TANC1: variants seen among roughly 807,000 people sequenced by gnomAD.
TANC1 encodes the protein protein TANC1.
TANC1 carries 77 observed loss-of-function variants against 149.7 expected under a neutral mutation model. That is an observed-to-expected ratio of 0.51 (90% CI 0.43 to 0.62). The LOEUF is 0.62. TANC1 is among the 20% of genes least tolerant of loss of function. The pLI is 0.00. For missense variants in TANC1, 1,985 were observed against 2,321.8 expected, an observed-to-expected ratio of 0.85 and a Z score of 2.98; for synonymous variants, 854 against 925.0, an observed-to-expected ratio of 0.92 and a Z score of 1.39.
At chr2:159,136,132 C>T in intron 4 of TANC1, 62 bp from the exon 5 acceptor site, 4 of 989,684 alleles carry the variant, frequency 4.0e-6, no homozygotes, top group Non-Finnish European at 6.5e-6. Context: ...ACACACTGTA[C>T]ATTCCAAGGC....
At chr2:159,066,518 A>G (rs1326478894) in intron 3 of TANC1, among the ~76,000 whole-genome samples, 1 of 152,198 alleles carries the variant, frequency 6.6e-6, no homozygotes, top group African/African-American at 2.4e-5. Context: ...AGAAACTTTA[A>G]AGGTTCATAA....
chr2:159,106,985 T>C (rs1046588311), intron 4 of TANC1, among the ~76,000 whole-genome samples: 2 of 152,200 alleles, frequency 1.3e-5, no homozygotes, highest in Non-Finnish European at 2.9e-5. Context: ...GGATTGTCTT[T>C]TTTACTTTGA....
chr2:159,163,268 G>T lies in TANC1; in HGVS notation c.683-15G>T. ...TGCCTGGCCTCCTTCAAAGTATTTT[G>T]GTCTTTCATTTCAGCCACAATTACA... On this transcript the variant is annotated splice_polypyrimidine_tract_variant and intron_variant, in intron 7 of 26. Transcript: ENST00000263635. The T allele has an allele frequency of 6.2e-7, 1 of 1,609,994 alleles. No individual in the cohort carries two copies. The highest frequency in any genetic ancestry group is 2.2e-5 in the East Asian group (1 of 44,818).
At chr2:159,136,047 T>TGTGTGTGTGTGTGTGTGTGCGTGC (rs1457762905) in intron 4 of TANC1, 147 bp from the exon 5 acceptor site, 4 of 211,184 alleles carry the variant, frequency 1.9e-5, no homozygotes, top group South Asian at 3.7e-5. Context: ...TGTGTGTGTG[T>TGTGTGTGTGTGTGTGTGTGCGTGC]GTGCGCGCGC....
In TANC1 at chr2:159,178,611, A is replaced by G. The variant is rs202127379; in HGVS notation, c.1958A>G (p.Asn653Ser). 1.2e-6 allele frequency: 2 copies of G among 1,609,458 alleles called. No homozygotes were observed. Among genetic ancestry groups the G allele is most frequent in the Non-Finnish European group, 1.7e-6 (2 of 1,178,372 alleles). ...VKLSLDDFPDNKDIHSDLHAY... is the reference protein window; with the variant it reads ...VKLSLDDFPDSKDIHSDLHAY... ...CTTTCCTTAGATGACTTCCCAGACA[A>G]CAAAGACATCCACAGTGACCTGCAC... Residue 653 changes from asparagine to serine, a missense_variant, in exon 14 of 27, where the codon AAC becomes AGC. Coordinates refer to ENST00000263635, the MANE Select transcript of TANC1 (RefSeq NM_033394.3).
At chr2:159,157,505 G>A (rs946438511) in intron 7 of TANC1, among the ~76,000 whole-genome samples, 2 of 152,158 alleles carry the variant, frequency 1.3e-5, no homozygotes, top group Admixed American at 6.5e-5. Flanking sequence ...AGAGAGGGAC[G>A]CCACCTGTCA....
chr2:159,004,236 A>G, intron 2 of TANC1: 2 of 1,612,438 alleles, frequency 1.2e-6, no homozygotes, highest in Admixed American at 1.7e-5. Flanking sequence ...TAAAGCACCA[A>G]AACCAGAAGA....
At chr2:159,112,057 G>A (rs567349711) in intron 4 of TANC1, among the ~76,000 whole-genome samples, 76 of 152,200 alleles carry the variant, frequency 5.0e-4, no homozygotes, top group Non-Finnish European at 7.5e-4. Flanking sequence ...AAATTCAGTA[G>A]GGATTTCTTT....
intron 3 of TANC1, among the ~76,000 whole-genome samples, chr2:159,069,436 A>G (rs2042953592): frequency 6.6e-6 from 1 of 152,092 alleles, no homozygotes; most frequent in South Asian, 2.1e-4. Flanking sequence ...CAAACGAGGC[A>G]CTGTGTTTAT....
At chr2:159,221,847 A>G (rs73967247) in intron 22 of TANC1, among the ~76,000 whole-genome samples, 4,014 of 152,356 alleles carry the variant, frequency 0.026, 163 homozygotes, top group African/African-American at 0.087. Flanking sequence ...AGAACCGTGA[A>G]ATGTCTTTCA....
intron 2 of TANC1, among the ~76,000 whole-genome samples, chr2:159,018,167 A>C (rs2038464424): frequency 6.6e-6 from 1 of 152,152 alleles, no homozygotes; most frequent in Non-Finnish European, 1.5e-5. Flanking sequence ...GGAGCATTTT[A>C]TTATGAAGGA....
At chr2:158,975,696 A>G (rs1401520137) in intron 1 of TANC1, among the ~76,000 whole-genome samples, 2 of 151,822 alleles carry the variant, frequency 1.3e-5, no homozygotes, top group Non-Finnish European at 2.9e-5. Context: ...TCAGTTTCCC[A>G]AAGTGCTGGA....
intron 1 of TANC1, among the ~76,000 whole-genome samples, chr2:158,978,807 T>C (rs537969941): frequency 2.0e-5 from 3 of 152,316 alleles, no homozygotes; most frequent in Non-Finnish European, 4.4e-5. Context: ...CTATGTTAGA[T>C]ATATGCTCCC....
intron 18 of TANC1, among the ~76,000 whole-genome samples, chr2:159,197,740 T>G (rs2150730097): frequency 6.6e-6 from 1 of 152,210 alleles, no homozygotes; most frequent in Non-Finnish European, 1.5e-5. Flanking sequence ...TTGGTCTTAA[T>G]CCATGCTAAC....
chr2:159,011,221 G>GA (rs2037720807), intron 2 of TANC1, among the ~76,000 whole-genome samples: 4 of 152,118 alleles, frequency 2.6e-5, no homozygotes, highest in Admixed American at 2.0e-4. Context: ...GTGAGTCATT[G>GA]TAAGGTTTAC....
chr2:159,070,348 C>A (rs1019385675), intron 3 of TANC1, among the ~76,000 whole-genome samples: 1 of 152,054 alleles, frequency 6.6e-6, no homozygotes, highest in South Asian at 2.1e-4. Flanking sequence ...GCATAGCTTC[C>A]ACCATTATCA....
chr2:159,122,524 G>A (rs960116014), intron 4 of TANC1, among the ~76,000 whole-genome samples: 1 of 152,066 alleles, frequency 6.6e-6, no homozygotes, highest in African/African-American at 2.4e-5. Flanking sequence ...CAAATGCACA[G>A]TTGTGTAACT....
chr2:159,116,430 A>AAACAACAGC (rs1553559596), intron 4 of TANC1, among the ~76,000 whole-genome samples: 1 of 148,610 alleles, frequency 6.7e-6, no homozygotes, highest in Non-Finnish European at 1.5e-5. Flanking sequence ...CAGTCTCAAA[A>AAACAACAGC]AACAACAACA....
intron 2 of TANC1, among the ~76,000 whole-genome samples, chr2:159,064,103 A>AAT (rs1365465495): frequency 6.6e-6 from 1 of 152,154 alleles, no homozygotes; most frequent in African/African-American, 2.4e-5. Context: ...TTGGTTGAAG[A>AAT]ATATGTCTGT....
Sources: gnomAD v4.1 joint callset for allele counts (sites outside exome capture counted in the v4.1 genomes callset) on GRCh38, gnomAD v4.1.1 for gene constraint, MANE v1.5 for transcripts, NCBI Gene and HGNC (gene_info 2026-07-23, HGNC 2026-07-21) for gene names.